Variants in DPH6 observed in about 807,000 individuals in gnomAD.
DPH6 encodes diphthamine biosynthesis 6, also known as diphthine--ammonia ligase.
DPH6 carries 33 observed loss-of-function variants against 38.2 expected under a neutral mutation model. That is an observed-to-expected ratio of 0.86 (90% CI 0.65 to 1.15). DPH6 has a LOEUF of 1.15. DPH6 is among the 50% of genes most tolerant of loss of function. DPH6 has a pLI of 0.00. For synonymous variants in DPH6, 108 were observed against 103.0 expected, an observed-to-expected ratio of 1.05 and a Z score of -0.30; for missense variants, 325 against 320.0, an observed-to-expected ratio of 1.02 and a Z score of -0.12.
chr15:35,245,392 C>T (rs2051630259), intron 3 of DPH6, among the ~76,000 whole-genome samples: 1 of 151,870 alleles, frequency 6.6e-6, no homozygotes, highest in Non-Finnish European at 1.5e-5. Flanking sequence ...GCGCCCGCCA[C>T]CATGCCCGGA....
intron 3 of DPH6, chr15:35,522,407 G>T: frequency 1.2e-6 from 1 of 824,836 alleles, no homozygotes. Flanking sequence ...TAATACAACA[G>T]GACTGCAAGT....
At chr15:35,493,981 G>A (rs2054516278) in intron 3 of DPH6, among the ~76,000 whole-genome samples, 1 of 151,984 alleles carries the variant, frequency 6.6e-6, no homozygotes, top group Admixed American at 6.6e-5. Flanking sequence ...AGCAGACTCT[G>A]GAACCAACTG....
At chr15:35,435,967 C>A (rs2053694644) in intron 5 of DPH6, among the ~76,000 whole-genome samples, 1 of 151,822 alleles carries the variant, frequency 6.6e-6, no homozygotes, top group Middle Eastern at 3.2e-3. Context: ...CGTAATGGCA[C>A]CTATCTTTTC....
intron 3 of DPH6, among the ~76,000 whole-genome samples, chr15:35,233,516 T>C (rs1012635657): frequency 7.9e-5 from 12 of 152,022 alleles, no homozygotes; most frequent in African/African-American, 2.9e-4. Context: ...TAAAAGAAAA[T>C]TAGTTGTGCA....
downstream of DPH6, among the ~76,000 whole-genome samples, chr15:35,213,837 G>A (rs975403079): frequency 6.6e-6 from 1 of 152,216 alleles, no homozygotes; most frequent in Admixed American, 6.5e-5. Flanking sequence ...AAGAGGCCGG[G>A]CGCGGTGGCT....
the DPH6 span, among the ~76,000 whole-genome samples, chr15:35,155,405 A>T: frequency 6.6e-6 from 1 of 152,216 alleles, no homozygotes; most frequent in Admixed American, 6.5e-5. Flanking sequence ...TCTCCATTTT[A>T]TAGAGAAGCA....
intron 3 of DPH6, among the ~76,000 whole-genome samples, chr15:35,273,401 AAT>A (rs2051836349): frequency 6.6e-6 from 1 of 152,192 alleles, no homozygotes; most frequent in Non-Finnish European, 1.5e-5. Context: ...TCAGTGAGAA[AAT>A]ACGATGTTTG....
intron 3 of DPH6, among the ~76,000 whole-genome samples, chr15:35,235,411 TAA>T (rs2051544162): frequency 6.6e-6 from 1 of 152,194 alleles, no homozygotes; most frequent in Non-Finnish European, 1.5e-5. Flanking sequence ...TCTCCTAGCT[TAA>T]GACAGTCTCC....
chr15:35,414,069 G>A (rs1381780814), intron 5 of DPH6, among the ~76,000 whole-genome samples: 2 of 151,176 alleles, frequency 1.3e-5, no homozygotes, highest in Non-Finnish European at 3.0e-5. Context: ...TTATTGTGTT[G>A]AATTTTTGTT....
At chr15:35,151,275 G>A in the DPH6 span, among the ~76,000 whole-genome samples, 3 of 143,252 alleles carry the variant, frequency 2.1e-5, no homozygotes, top group African/African-American at 9.0e-5. Context: ...AAAATGTAAC[G>A]TGCATTCAAA....
At chr15:35,407,132 T>C (rs1016841627) in intron 6 of DPH6, among the ~76,000 whole-genome samples, 1 of 151,982 alleles carries the variant, frequency 6.6e-6, no homozygotes, top group Non-Finnish European at 1.5e-5. Flanking sequence ...GTCAGTGGTA[T>C]TGAGAAACTA....
At chr15:35,394,562 G>A (rs148101545) in intron 6 of DPH6, among the ~76,000 whole-genome samples, 32 of 152,320 alleles carry the variant, frequency 2.1e-4, no homozygotes, top group African/African-American at 6.7e-4. Flanking sequence ...ATGTTGTAAT[G>A]AGGCACAGTG....
intron 5 of DPH6, among the ~76,000 whole-genome samples, chr15:35,449,576 G>A (rs72705124): frequency 0.023 from 3,524 of 151,974 alleles, 60 homozygotes; most frequent in Middle Eastern, 0.065. Flanking sequence ...GAGAGTGAGA[G>A]ACAAAGAAAA....
intron 3 of DPH6, among the ~76,000 whole-genome samples, chr15:35,480,177 T>G (rs951559292): frequency 6.6e-6 from 1 of 152,040 alleles, no homozygotes; most frequent in African/African-American, 2.4e-5. Flanking sequence ...ACTAATCTAA[T>G]TTTTCCCCTG....
chr15:35,466,175 C>G (rs1223381721), intron 3 of DPH6, among the ~76,000 whole-genome samples: 2 of 150,686 alleles, frequency 1.3e-5, no homozygotes, highest in African/African-American at 4.9e-5. Flanking sequence ...CCAACCTGGG[C>G]AACAGAACAA....
At chr15:35,348,974 T>A (rs1305562919) in intron 3 of DPH6, among the ~76,000 whole-genome samples, 2 of 152,172 alleles carry the variant, frequency 1.3e-5, no homozygotes, top group Non-Finnish European at 2.9e-5. Context: ...TGTACAGAAA[T>A]GCAACTAATT....
chr15:35,421,951 T>C (rs536019693), intron 5 of DPH6, among the ~76,000 whole-genome samples: 1 of 151,956 alleles, frequency 6.6e-6, no homozygotes, highest in African/African-American at 2.4e-5. Context: ...AGACAAAGCA[T>C]TAGTATAGAA....
chr15:35,437,809 C>T (rs1051734009), intron 5 of DPH6, among the ~76,000 whole-genome samples: 10 of 152,318 alleles, frequency 6.6e-5, no homozygotes, highest in Middle Eastern at 3.4e-3. Context: ...GGAAGCATGA[C>T]CTGTAACCAT....
In DPH6 at chr15:35,268,747, GAA is replaced by G. The variant is rs60593996; in HGVS notation, n.201-48167_201-48166del. On this transcript the variant is annotated intron_variant and non_coding_transcript_variant, in intron 3 of 3. Transcript: ENST00000560386. ...CAATTAATTGAAGGTATAAAAAATG[GAA>G]AAAAAAAAAAGGTATAAAAAGAACA... Among the ~76,000 whole-genome samples the G allele has an allele frequency of 0.029, 4,028 of 139,866 alleles. 314 individuals carry two copies. The East Asian group carries it at 0.33, about 11-fold the overall frequency. The allele number at this position is 139,866 out of a possible 152,430, so 91.8% of individuals were successfully genotyped here. A position where few individuals can be genotyped will look rare whatever the true frequency, so the allele number is the denominator to read the frequency against.
Sources: allele counts gnomAD v4.1 joint callset (sites outside exome capture counted in the v4.1 genomes callset), GRCh38; gene constraint gnomAD v4.1.1; transcripts MANE v1.5; gene names NCBI Gene and HGNC (gene_info 2026-07-23, HGNC 2026-07-21).